Variants in SPOCK3 observed in about 807,000 individuals in gnomAD.
The protein encoded by SPOCK3 is SPARC (osteonectin), cwcv and kazal like domains proteoglycan 3.
Under a neutral mutation model 56.6 loss-of-function variants are expected in SPOCK3, and 30 were observed. That is an observed-to-expected ratio of 0.53 (90% CI 0.40 to 0.72). The LOEUF is 0.72. Ranked by LOEUF, SPOCK3 falls within the 30% of genes least tolerant of loss-of-function variation. The pLI is 0.00. For missense variants in SPOCK3, 527 were observed against 530.0 expected (o/e 0.99, Z 0.06); for synonymous variants, 196 against 183.3 (o/e 1.07, Z -0.56).
chr4:166,790,650 A>T (rs996910972), intron 7 of SPOCK3, among the ~76,000 whole-genome samples: 2 of 152,200 alleles, frequency 1.3e-5, no homozygotes, highest in Non-Finnish European at 2.9e-5. Flanking sequence ...TGACAGAAAA[A>T]GCTAGAAAGG....
intron 6 of SPOCK3, among the ~76,000 whole-genome samples, chr4:166,849,763 C>T (rs1186158319): frequency 6.6e-6 from 1 of 152,048 alleles, no homozygotes; most frequent in Non-Finnish European, 1.5e-5. Flanking sequence ...CCCTTACTTC[C>T]CCAGTTCCTG....
intron 4 of SPOCK3, among the ~76,000 whole-genome samples, chr4:166,919,122 C>A (rs1738207292): frequency 6.6e-6 from 1 of 152,100 alleles, no homozygotes; most frequent in Non-Finnish European, 1.5e-5. Flanking sequence ...TCAGGTATTC[C>A]TTTATAGCAA....
chr4:167,108,766 C>A (rs1461959166), intron 2 of SPOCK3, among the ~76,000 whole-genome samples: 2 of 150,120 alleles, frequency 1.3e-5, no homozygotes, highest in Non-Finnish European at 3.0e-5. Flanking sequence ...TAACTGTAGT[C>A]AAAAATAATT....
intron 4 of SPOCK3, among the ~76,000 whole-genome samples, chr4:166,965,248 A>G (rs1243468747): frequency 6.6e-6 from 1 of 151,876 alleles, no homozygotes; most frequent in Non-Finnish European, 1.5e-5. Flanking sequence ...GTGCATTTCC[A>G]TTTGCCAACA....
chr4:167,049,047 T>C (rs905844412), intron 3 of SPOCK3, among the ~76,000 whole-genome samples: 1 of 152,098 alleles, frequency 6.6e-6, no homozygotes, highest in East Asian at 1.9e-4. Flanking sequence ...GATGATCAGA[T>C]ATGCAAAGAT....
chr4:167,031,729 C>T lies in SPOCK3; in HGVS notation c.235+30763G>A, dbSNP rs534990434. ...TAGGGTTTATGCATCTGCCAGCAAT[C>T]TTTCCCTCTCTCTGTTGAAACTCCT... On this transcript the variant is annotated intron_variant, in intron 3 of 10. Transcript: ENST00000357545. 2.0e-5 allele frequency among the ~76,000 whole-genome samples: 3 copies of T among 152,120 alleles called. No individual in the cohort carries two copies. In the South Asian group the frequency reaches 6.2e-4, roughly 31 times the overall value.
chr4:166,803,901 G>T (rs1225923001), intron 6 of SPOCK3, among the ~76,000 whole-genome samples: 2 of 152,114 alleles, frequency 1.3e-5, no homozygotes, highest in South Asian at 2.1e-4. Flanking sequence ...CAAATTAACT[G>T]TAGAGTTGGT....
At chr4:167,033,718 C>A (rs1343339485) in intron 3 of SPOCK3, among the ~76,000 whole-genome samples, 3 of 151,652 alleles carry the variant, frequency 2.0e-5, no homozygotes, top group Non-Finnish European at 2.9e-5. Context: ...TGCCTGGGCC[C>A]CAGTGTTACC....
chr4:166,770,534 C>A (rs1738792547), intron 7 of SPOCK3, among the ~76,000 whole-genome samples: 1 of 152,034 alleles, frequency 6.6e-6, no homozygotes, highest in East Asian at 1.9e-4. Context: ...CCCATCTAAA[C>A]CAGTTGTGGA....
chr4:167,197,880 C>A (rs1489115013), intron 2 of SPOCK3, among the ~76,000 whole-genome samples: 1 of 152,150 alleles, frequency 6.6e-6, no homozygotes, highest in Non-Finnish European at 1.5e-5. Flanking sequence ...CTGTGTAAGG[C>A]AAGCCTGCAG....
chr4:166,735,090 G>T lies in SPOCK3; in HGVS notation c.1133C>A (p.Ala378Asp). ...ATCTCCGGAGATCTCAAAATCTATAGCTTAAAACAAGTGAAAGTAAACATA... is the reference window on the plus strand; with the variant it reads ...ATCTCCGGAGATCTCAAAATCTATATCTTAAAACAAGTGAAAGTAAACATA... ...GSRINGVADC[A>D]IDFEISGDFA... The change falls in exon 11 of 11, where the codon GCT (alanine) becomes GAT (aspartate). Residue 378 changes from alanine (A) to aspartate (D), a missense_variant and splice_region_variant. By Grantham distance (126) the Ala-to-Asp change is moderately radical. Transcript: ENST00000357545. 1.3e-6 allele frequency: 2 copies of T among 1,585,718 alleles called. No individual in the cohort carries two copies. The highest frequency in any genetic ancestry group is 1.7e-6 in the Non-Finnish European group (2 of 1,164,152).
At chr4:166,928,047 A>G (rs1334621949) in intron 4 of SPOCK3, among the ~76,000 whole-genome samples, 1 of 152,180 alleles carries the variant, frequency 6.6e-6, no homozygotes, top group East Asian at 1.9e-4. Context: ...AACTTATTAG[A>G]ATGGCCAAAA....
At chr4:166,956,836 A>G (rs4241629) in intron 4 of SPOCK3, among the ~76,000 whole-genome samples, 87,531 of 151,888 alleles carry the variant, frequency 0.58, 27,083 homozygotes, top group East Asian at 0.85. Flanking sequence ...TTTAGAATCC[A>G]TAAGTTATTA....
At position 166,740,054 on chromosome 4, in the gene SPOCK3, T is replaced by C. The variant is rs572276845; in HGVS notation, c.994+1943A>G. ...TTTGACATAAACATGTTATGATGTATAGTTAGTGTGACCATAATTGATACT... is the reference window on the plus strand; with the variant it reads ...TTTGACATAAACATGTTATGATGTACAGTTAGTGTGACCATAATTGATACT... On this transcript the variant is annotated intron_variant, in intron 9 of 10. Coordinates refer to ENST00000357545, the MANE Select transcript of SPOCK3 (RefSeq NM_001040159.2). 7.9e-5 allele frequency among the ~76,000 whole-genome samples: 12 copies of C among 152,284 alleles called. No individual in the cohort carries two copies. The South Asian group carries it at 1.4e-3, about 18-fold the overall frequency.
intron 2 of SPOCK3, among the ~76,000 whole-genome samples, chr4:167,214,097 C>CAA (rs1294802840): frequency 2.6e-5 from 4 of 151,270 alleles, no homozygotes; most frequent in African/African-American, 9.7e-5. Context: ...AGTGTAGATG[C>CAA]AAAGATGCAA....
chr4:167,047,647 T>A (rs1256159468), intron 3 of SPOCK3, among the ~76,000 whole-genome samples: 1 of 152,204 alleles, frequency 6.6e-6, no homozygotes, highest in Non-Finnish European at 1.5e-5. Flanking sequence ...CAGACAATGA[T>A]TTTTCTATAG....
At chr4:167,001,094 C>T (rs1180293392) in intron 3 of SPOCK3, among the ~76,000 whole-genome samples, 3 of 152,090 alleles carry the variant, frequency 2.0e-5, no homozygotes, top group Admixed American at 6.6e-5. Context: ...TGTGAAATGT[C>T]GACGGTTTCA....
chr4:167,146,321 G>C (rs1291084382), intron 2 of SPOCK3, among the ~76,000 whole-genome samples: 1 of 152,084 alleles, frequency 6.6e-6, no homozygotes, highest in African/African-American at 2.4e-5. Context: ...CAAGTTCTTA[G>C]AGACCTACAA....
intron 7 of SPOCK3, among the ~76,000 whole-genome samples, chr4:166,781,204 C>T (rs1350765048): frequency 2.6e-5 from 4 of 152,080 alleles, no homozygotes; most frequent in Admixed American, 6.6e-5. Flanking sequence ...ACAATAAACA[C>T]GGCCAAGAGA....
Sources: gnomAD v4.1 joint callset for allele counts (sites outside exome capture counted in the v4.1 genomes callset) on GRCh38, gnomAD v4.1.1 for gene constraint, MANE v1.5 for transcripts, NCBI Gene and HGNC (gene_info 2026-07-23, HGNC 2026-07-21) for gene names.